Variants in RANBP2 observed in about 807,000 individuals in gnomAD.
The protein encoded by RANBP2 is E3 SUMO-protein ligase RanBP2.
A neutral mutation model predicts 303.6 loss-of-function variants in RANBP2; 57 were observed. The ratio of observed to expected loss-of-function variants is 0.19; its 90% confidence interval spans 0.15 to 0.23. The LOEUF is 0.23. RANBP2 is among the 10% of genes least tolerant of loss of function. RANBP2 has a pLI of 1.00. For synonymous variants in RANBP2, 1,167 were observed against 1,301.5 expected, an observed-to-expected ratio of 0.90 and a Z score of 2.23; for missense variants, 3,138 against 3,780.8, an observed-to-expected ratio of 0.83 and a Z score of 4.46.
the RANBP2 span, among the ~76,000 whole-genome samples, chr2:109,283,340 G>T: frequency 2.6e-5 from 4 of 152,252 alleles, no homozygotes; most frequent in Admixed American, 2.6e-4. Flanking sequence ...CTCCTTCCTT[G>T]CCACCCCATT....
chr2:109,774,531 TTATATATA>T, the RANBP2 span, among the ~76,000 whole-genome samples: 2 of 88,366 alleles, frequency 2.3e-5, 1 homozygote, highest in Admixed American at 3.2e-4. Flanking sequence ...ATTATATATA[TTATATATA>T]AAATATATAT....
At chr2:109,236,394 G>T in the RANBP2 span, among the ~76,000 whole-genome samples, 5 of 152,134 alleles carry the variant, frequency 3.3e-5, no homozygotes, top group Non-Finnish European at 7.3e-5. Flanking sequence ...CCATGTCATT[G>T]GAGTAAGCTG....
the RANBP2 span, among the ~76,000 whole-genome samples, chr2:109,135,547 A>G: frequency 6.6e-6 from 1 of 152,144 alleles, no homozygotes; most frequent in Non-Finnish European, 1.5e-5. Flanking sequence ...GAAAATCTTC[A>G]AGTCTCTTAT....
chr2:108,843,876 G>GTGTGTGTGTT, the RANBP2 span, among the ~76,000 whole-genome samples: 392 of 13,860 alleles, frequency 0.028, 3 homozygotes, highest in African/African-American at 0.036. Context: ...GTGTGTGTGT[G>GTGTGTGTGTT]TGTTTCTTTC....
the RANBP2 span, among the ~76,000 whole-genome samples, chr2:109,444,726 A>G: frequency 6.6e-6 from 1 of 152,196 alleles, no homozygotes. Context: ...CTAACAACAG[A>G]ACTGCCAGAC....
chr2:109,650,805 C>T, the RANBP2 span, among the ~76,000 whole-genome samples: 1 of 152,180 alleles, frequency 6.6e-6, no homozygotes, highest in East Asian at 1.9e-4. Flanking sequence ...ATTGTGAGGC[C>T]TCCCAGCCAT....
At chr2:109,470,579 G>C in the RANBP2 span, among the ~76,000 whole-genome samples, 2 of 152,224 alleles carry the variant, frequency 1.3e-5, no homozygotes, top group Non-Finnish European at 2.9e-5. Context: ...GTGCAGAGCT[G>C]AACAAGGCAG....
chr2:109,346,915 T>C, the RANBP2 span, among the ~76,000 whole-genome samples: 1 of 152,148 alleles, frequency 6.6e-6, no homozygotes, highest in East Asian at 1.9e-4. Flanking sequence ...CAGAAAGCTG[T>C]GTGTCATGGT....
chr2:109,292,484 G>A, the RANBP2 span, among the ~76,000 whole-genome samples: 15 of 152,130 alleles, frequency 9.9e-5, no homozygotes, highest in South Asian at 8.3e-4. Flanking sequence ...AAATCATTGC[G>A]CATATTTCCC....
At chr2:109,170,250 TTCTCTTCTCTTCTCTTCTCTTCTCTTCTC>T in the RANBP2 span, among the ~76,000 whole-genome samples, 82 of 6,396 alleles carry the variant, frequency 0.013, no homozygotes, top group African/African-American at 0.034. Context: ...TTCTTTTCTC[TTCTCTTCTCTTCTCTTCTCTTCTCTTCTC>T]TTCTCTTCTC....
the RANBP2 span, among the ~76,000 whole-genome samples, chr2:108,821,085 C>T: frequency 1.1e-4 from 17 of 152,194 alleles, no homozygotes; most frequent in South Asian, 1.2e-3. Context: ...TGGCCGGGTG[C>T]GGTGGCTCAC....
At chr2:109,445,805 A>C in the RANBP2 span, among the ~76,000 whole-genome samples, 6 of 152,094 alleles carry the variant, frequency 3.9e-5, no homozygotes, top group Admixed American at 6.6e-5. Flanking sequence ...CTGAAGTGGG[A>C]AGCGATACCC....
chr2:109,430,336 G>A, the RANBP2 span, among the ~76,000 whole-genome samples: 1 of 152,198 alleles, frequency 6.6e-6, no homozygotes, highest in Admixed American at 6.5e-5. Context: ...ACATCAATTT[G>A]TGCGTCATTG....
chr2:108,925,414 G>A, the RANBP2 span, among the ~76,000 whole-genome samples: 1 of 152,316 alleles, frequency 6.6e-6, no homozygotes, highest in East Asian at 1.9e-4. Context: ...ACAACACCCG[G>A]CTTTATGATG....
chr2:109,490,866 T>A, the RANBP2 span: 1 of 1,535,178 alleles, frequency 6.5e-7, no homozygotes, highest in South Asian at 1.2e-5. Flanking sequence ...AAACTTCACA[T>A]CTCCTTCCCG....
the RANBP2 span, chr2:108,910,992 G>A: frequency 1.2e-5 from 19 of 1,614,038 alleles, no homozygotes; most frequent in African/African-American, 2.4e-4. Flanking sequence ...ATGATGATGA[G>A]GACGATGGCG....
the RANBP2 span, among the ~76,000 whole-genome samples, chr2:109,106,473 A>C: frequency 6.6e-6 from 1 of 152,312 alleles, no homozygotes; most frequent in South Asian, 2.1e-4. Context: ...GGGAATTCAT[A>C]ACTACCTATA....
chr2:109,063,311 C>T, the RANBP2 span, among the ~76,000 whole-genome samples: 1 of 152,194 alleles, frequency 6.6e-6, no homozygotes, highest in Non-Finnish European at 1.5e-5. Context: ...TTGAGCATTT[C>T]CTGTTCCCTC....
the RANBP2 span, among the ~76,000 whole-genome samples, chr2:108,874,782 T>G: frequency 6.6e-6 from 1 of 152,218 alleles, no homozygotes; most frequent in South Asian, 2.1e-4. Flanking sequence ...ATTTACTGTC[T>G]TCCTTTTCTT....
Sources: gnomAD v4.1 joint callset for allele counts (sites outside exome capture counted in the v4.1 genomes callset) on GRCh38, gnomAD v4.1.1 for gene constraint, MANE v1.5 for transcripts, NCBI Gene and HGNC (gene_info 2026-07-23, HGNC 2026-07-21) for gene names.